LAMP1: variants seen among roughly 807,000 people sequenced by gnomAD.
LAMP1 encodes the protein lysosome-associated membrane glycoprotein 1.
In LAMP1, 7 loss-of-function variants were observed where a neutral mutation model predicts 37.5. The observed-to-expected ratio is 0.19, with a 90% confidence interval of 0.11 to 0.35. The LOEUF (loss-of-function observed/expected upper bound fraction) is 0.35, where lower values mean the gene tolerates loss of function less well. Among genes scored for constraint, LAMP1 ranks in the 10% least tolerant of loss-of-function variants. The probability of loss-of-function intolerance (pLI) is 1.00; values close to 1 mark genes in which losing one functional copy is unlikely to be tolerated. For missense variants in LAMP1, 537 were observed against 552.8 expected, an observed-to-expected ratio of 0.97 and a Z score of 0.29; for synonymous variants, 236 against 229.1, an observed-to-expected ratio of 1.03 and a Z score of -0.27.
At position 113,303,612 on chromosome 13, in the gene LAMP1, A is replaced by G. The variant is rs546772369; in HGVS notation, c.62-2873A>G. Reference sequence around the variant, plus strand: ...ATAGCATACATACATTTCCTCCTCAAGCTCTGTGTGCTGATGCTCTTATTT... The same window carrying G: ...ATAGCATACATACATTTCCTCCTCAGGCTCTGTGTGCTGATGCTCTTATTT... On this transcript the variant is annotated intron_variant, in intron 1 of 8. Transcript: ENST00000332556. 7.2e-5 allele frequency among the ~76,000 whole-genome samples: 11 copies of G among 152,066 alleles called. No homozygotes were observed. In the East Asian group the frequency reaches 1.7e-3, roughly 24 times the overall value.
At chr13:113,301,638 AAAAAAAATATATATATATAT>A (rs1194443063) in intron 1 of LAMP1, among the ~76,000 whole-genome samples, 478 of 28,946 alleles carry the variant, frequency 0.017, 27 homozygotes, top group African/African-American at 0.04. Context: ...AAAAAAAAAA[AAAAAAAATATATATATATAT>A]ATATATATAT....
At chr13:113,316,040 T>C (rs566938094) in intron 4 of LAMP1, among the ~76,000 whole-genome samples, 23 of 151,920 alleles carry the variant, frequency 1.5e-4, no homozygotes, top group African/African-American at 4.6e-4. Flanking sequence ...GAGGTGGAGG[T>C]TGCAGTGAGC....
At position 113,300,429 on chromosome 13, in the gene LAMP1, G is replaced by A. The variant is rs552760178; in HGVS notation, c.61+2934G>A. 5.5e-4 allele frequency among the ~76,000 whole-genome samples: 83 copies of A among 150,622 alleles called. 1 individual carries two copies. The highest frequency in any genetic ancestry group is 3.4e-3 in the Middle Eastern group (1 of 292). ...TGAACCTGGGAGGCAGGGGTTGCAG[G>A]GAGCTGAGATCGTGCCATTGCACTC... On this transcript the variant is annotated intron_variant, in intron 1 of 8. Transcript: ENST00000332556.
At chr13:113,310,660 A>G (rs763427645) in intron 3 of LAMP1, 49 bp from the exon 4 acceptor site, 10 of 1,291,322 alleles carry the variant, frequency 7.7e-6, no homozygotes, top group Non-Finnish European at 1.1e-5. Context: ...CACATAAACT[A>G]AGTACTGCAA....
At chr13:113,313,638 T>C (rs1261073576) in intron 4 of LAMP1, among the ~76,000 whole-genome samples, 1 of 143,416 alleles carries the variant, frequency 7.0e-6, no homozygotes, top group African/African-American at 2.7e-5. Context: ...GCCTGGGGTG[T>C]GGCCTCCTGG....
intron 4 of LAMP1, among the ~76,000 whole-genome samples, chr13:113,311,700 G>A (rs2042631813): frequency 1.3e-5 from 2 of 152,242 alleles, no homozygotes; most frequent in African/African-American, 4.8e-5. Flanking sequence ...ATCTTGAGCA[G>A]GGTAGTTTAC....
intron 8 of LAMP1, 133 bp from the exon 9 acceptor site, chr13:113,322,149 C>T (rs1188139122): frequency 9.6e-7 from 1 of 1,044,378 alleles, no homozygotes; most frequent in African/African-American, 1.6e-5. Flanking sequence ...AGTGACAATT[C>T]CAGCTAGAGC....
chr13:113,309,015 C>G (rs2139363588), intron 2 of LAMP1, among the ~76,000 whole-genome samples: 1 of 152,300 alleles, frequency 6.6e-6, no homozygotes, highest in African/African-American at 2.4e-5. Context: ...AAATATATAT[C>G]TCACCCTGAA....
intron 4 of LAMP1, among the ~76,000 whole-genome samples, chr13:113,313,645 C>G (rs2042643484): frequency 1.4e-5 from 2 of 146,082 alleles, no homozygotes; most frequent in Admixed American, 1.4e-4. Context: ...GTGTGGCCTC[C>G]TGGAGGGAGT....
chr13:113,312,672 C>T (rs933620253), intron 4 of LAMP1, among the ~76,000 whole-genome samples: 24 of 152,242 alleles, frequency 1.6e-4, no homozygotes, highest in African/African-American at 5.5e-4. Flanking sequence ...GTGGTGACAG[C>T]CGCTTTCCTG....
intron 1 of LAMP1, among the ~76,000 whole-genome samples, chr13:113,304,721 A>G (rs529878628): frequency 7.2e-5 from 11 of 151,858 alleles, no homozygotes; most frequent in African/African-American, 2.2e-4. Context: ...CAGTGGTGCA[A>G]TCTCGACTCA....
At position 113,306,543 on chromosome 13, in the gene LAMP1, G is replaced by A. The variant is rs375160189; in HGVS notation, c.120G>A (p.Ala40=). 9 of 1,614,076 alleles carry A rather than the reference G, an allele frequency of 5.6e-6. No individual in the cohort carries two copies. The highest frequency in any genetic ancestry group is 2.2e-5 in the South Asian group (2 of 91,072). The change falls in exon 2 of 9, where the codon GCG becomes GCA. Residue 40 remains alanine (A), a synonymous_variant. Coordinates refer to ENST00000332556, the MANE Select transcript of LAMP1 (RefSeq NM_005561.4). The stretch of plus-strand genomic sequence containing the variant: ...TGGTGAAAAATGGCAACGGGACCGC[G>A]TGCATAATGGCCAACTTCTCTGCTG... ...MFMVKNGNGT[A]CIMANFSAAF...
chr13:113,307,557 G>A (rs1463657138), intron 2 of LAMP1, among the ~76,000 whole-genome samples: 1 of 152,078 alleles, frequency 6.6e-6, no homozygotes, highest in Non-Finnish European at 1.5e-5. Context: ...TAATTGGTAA[G>A]TTGTCTTGAA....
chr13:113,311,382 A>T (rs1250440921), intron 4 of LAMP1, among the ~76,000 whole-genome samples: 4 of 152,230 alleles, frequency 2.6e-5, no homozygotes, highest in Non-Finnish European at 4.4e-5. Context: ...AAACATCCTG[A>T]CACACATGGT....
intron 1 of LAMP1, among the ~76,000 whole-genome samples, chr13:113,298,847 A>G (rs1439820214): frequency 6.6e-6 from 1 of 152,226 alleles, no homozygotes; most frequent in African/African-American, 2.4e-5. Flanking sequence ...TTCATGTTTT[A>G]AAAACTCACT....
rs940257142 is a variant in LAMP1, at chr13:113,321,121, G to C, written c.877-283G>C. On this transcript the variant is annotated intron_variant, in intron 6 of 8. Transcript: ENST00000332556. This position sits in a 1 kb window ranked among gnomAD's most constrained non-coding sequence, Gnocchi z 5.6. ...ACTTGAGCCCAGGAGTTAAGGTTGC[G>C]ATGAGCCGTGATCACTCCACTGCAC... 1.4e-4 allele frequency: 56 copies of C among 396,940 alleles called. 1 individual carries two copies. In the Admixed American group the frequency reaches 2.1e-3, roughly 15 times the overall value. 24.6% of individuals were successfully genotyped at this position (396,940 alleles called of 1,614,324 possible).
intron 1 of LAMP1, chr13:113,305,545 G>A (rs1367322398): frequency 2.6e-5 from 4 of 152,226 alleles, no homozygotes; most frequent in Non-Finnish European, 5.9e-5. Flanking sequence ...TGGAGTATGA[G>A]TAAGTCAGAG....
intron 1 of LAMP1, among the ~76,000 whole-genome samples, chr13:113,299,291 G>A (rs527922223): frequency 7.3e-4 from 109 of 150,180 alleles, no homozygotes; most frequent in Non-Finnish European, 1.3e-3. Context: ...TTTTTGAGGC[G>A]GAGTTGCTCT....
At position 113,321,419 on chromosome 13, in the gene LAMP1, C is replaced by T. The variant is rs757205414; in HGVS notation, c.892C>T (p.Arg298Trp). The T allele has an allele frequency of 9.3e-6, 15 of 1,613,690 alleles. No homozygotes were observed. In the African/African-American group the frequency reaches 1.1e-4, roughly 11 times the overall value. Residue 298 changes from arginine (R) to tryptophan (W), a missense_variant, in exon 7 of 9, where the codon CGG (arginine) becomes TGG (tryptophan). Arg to Trp is a moderately radical substitution (Grantham distance 101). Coordinates refer to ENST00000332556, the MANE Select transcript of LAMP1 (RefSeq NM_005561.4). The surrounding 1 kb of genome is among the most constrained non-coding windows in gnomAD (Gnocchi z 5.6). ...TCTTTTTAAGAATGCAAGTTCTAGC[C>T]GGTTTTTCCTACAAGGAATCCAGTT... ...FQFGMNASSSRFFLQGIQLNT... is the reference protein window; with the variant it reads ...FQFGMNASSSWFFLQGIQLNT...
Sources: allele counts gnomAD v4.1 joint callset (sites outside exome capture counted in the v4.1 genomes callset), GRCh38; gene constraint gnomAD v4.1.1; non-coding constraint Gnocchi (gnomAD v3.1); transcripts MANE v1.5; gene names NCBI Gene and HGNC (gene_info 2026-07-23, HGNC 2026-07-21).